Variants in VPS26C observed in about 807,000 individuals in gnomAD.
VPS26C encodes vacuolar protein sorting-associated protein 26C.
In VPS26C, 19 loss-of-function variants were observed where a neutral mutation model predicts 30.6. The ratio of observed to expected loss-of-function variants is 0.62; its 90% CI spans 0.43 to 0.91. The LOEUF (loss-of-function observed/expected upper bound fraction) is 0.91. Ranked by LOEUF, VPS26C falls within the 40% of genes least tolerant of loss-of-function variation. The pLI is 0.00. For synonymous variants in VPS26C, 132 were observed against 151.5 expected, an observed-to-expected ratio of 0.87 and a Z score of 0.95; for missense variants, 318 against 385.1, an observed-to-expected ratio of 0.83 and a Z score of 1.46.
chr21:37,232,299 C>G (rs2835681), intron 5 of VPS26C, 78 bp downstream of exon 5: 86,946 of 1,221,946 alleles, frequency 0.071, 3,983 homozygotes, highest in East Asian at 0.23. Context: ...AAATGAAGAC[C>G]ACCCGGGCAA....
At position 37,228,237 on chromosome 21, in the gene VPS26C, C is replaced by T. The variant is rs141238526; in HGVS notation, c.644G>A (p.Arg215His). 37 of 1,612,906 alleles carry T rather than the reference C, an allele frequency of 2.3e-5. No individual in the cohort carries two copies. The highest frequency in any genetic ancestry group is 8.0e-5 in the African/African-American group (6 of 75,050). ...ACGGCCCTCACCGCACGTCTCCACG[C>T]GCACCAGCTGCAGCTCCACGCTTCT... ...AIRSVELQLVRVETCGCAEGY... is the reference protein window; with the variant it reads ...AIRSVELQLVHVETCGCAEGY... The change falls in exon 6 of 8, where the codon CGC (arginine) becomes CAC (histidine). Residue 215 changes from arginine to histidine, a missense_variant. Physicochemically the swap from Arg to His is conservative, Grantham distance 29 (BLOSUM62 0). Transcript: ENST00000309117.
In VPS26C at chr21:37,238,446, T is replaced by C. The variant is rs774964036; in HGVS notation, c.351+14A>G. 9.3e-6 allele frequency: 15 copies of C among 1,612,710 alleles called. No individual in the cohort carries two copies. In the Admixed American group the frequency reaches 2.5e-4, roughly 27 times the overall value. On this transcript the variant is annotated intron_variant, in intron 3 of 7. Transcript: ENST00000309117. ...ACTTGTGAAGTCAGTCGCGTAGGAC[T>C]AGGAAGCTCTCACCTGAATGTTGAC...
At chr21:37,231,506 T>C (rs2085963525) in intron 5 of VPS26C, 1 of 152,022 alleles carries the variant, frequency 6.6e-6, no homozygotes, top group African/African-American at 2.4e-5. Flanking sequence ...TCTGAAAGGC[T>C]CCCCACGACA....
intron 3 of VPS26C, 88 bp downstream of exon 3, chr21:37,238,372 G>A: frequency 6.9e-7 from 1 of 1,455,230 alleles, no homozygotes; most frequent in Non-Finnish European, 9.3e-7. Flanking sequence ...AAATTCTTGG[G>A]CCCGTCTACT....
At chr21:37,260,768 ATCT>A (rs1437542277) in intron 1 of VPS26C, among the ~76,000 whole-genome samples, 2 of 152,226 alleles carry the variant, frequency 1.3e-5, no homozygotes, top group African/African-American at 4.8e-5. Flanking sequence ...TTGAATCATG[ATCT>A]TAAGAATGAC....
At chr21:37,256,847 C>G (rs1211764388) in intron 1 of VPS26C, among the ~76,000 whole-genome samples, 2 of 152,086 alleles carry the variant, frequency 1.3e-5, no homozygotes, top group Non-Finnish European at 2.9e-5. Context: ...TAAAGTTTTA[C>G]CATTTTATAA....
intron 2 of VPS26C, 126 bp downstream of exon 2, chr21:37,240,370 C>T: frequency 9.6e-7 from 1 of 1,040,210 alleles, no homozygotes; most frequent in Non-Finnish European, 1.4e-6. Context: ...AGCGATCCTC[C>T]CGCCTTGGCC....
intron 1 of VPS26C, among the ~76,000 whole-genome samples, chr21:37,246,316 T>C (rs2148297134): frequency 6.6e-6 from 1 of 152,114 alleles, no homozygotes; most frequent in East Asian, 1.9e-4. Flanking sequence ...GCAAGCAGAA[T>C]GATACAACAA....
In VPS26C at chr21:37,257,965, G is replaced by A. The variant is rs2086261408; in HGVS notation, c.57+9273C>T. 6.8e-6 allele frequency among the ~76,000 whole-genome samples: 1 copy of A among 146,240 alleles called. No homozygotes were observed. The highest frequency in any genetic ancestry group is 1.5e-5 in the Non-Finnish European group (1 of 68,012). On this transcript the variant is annotated intron_variant, in intron 1 of 7. Coordinates refer to ENST00000309117, the MANE Select transcript of VPS26C (RefSeq NM_006052.2). This position sits in a 1 kb window ranked among gnomAD's most constrained non-coding sequence, Gnocchi z 4.2. ...CAGCCGGCAGCGCCCACCAGCCTGC[G>A]CTGCGCTGCACATGGTACCCGCGGC...
intron 1 of VPS26C, among the ~76,000 whole-genome samples, chr21:37,250,217 A>C (rs959271898): frequency 1.3e-5 from 2 of 152,166 alleles, no homozygotes; most frequent in African/African-American, 4.8e-5. Flanking sequence ...AGGCAGGAGA[A>C]TCACTTGAAC....
rs910443254 is a variant in VPS26C at position 37,233,767 on chromosome 21, G to A, written c.352-325C>T. Among the ~76,000 whole-genome samples the A allele has an allele frequency of 2.0e-5, 3 of 152,332 alleles. No individual in the cohort carries two copies. The highest frequency in any genetic ancestry group is 4.8e-5 in the African/African-American group (2 of 41,576). On this transcript the variant is annotated intron_variant, in intron 3 of 7. Transcript: ENST00000309117. This position sits in a 1 kb window ranked among gnomAD's most constrained non-coding sequence, Gnocchi z 5.2. Reference sequence around the variant, plus strand: ...GCTGGCGAGACAGAAAGGGCAGTGCGCTCAGGAGCAGACGCCAGGCCAGAT... The same window carrying A: ...GCTGGCGAGACAGAAAGGGCAGTGCACTCAGGAGCAGACGCCAGGCCAGAT...
chr21:37,240,707 A>C, intron 1 of VPS26C, 68 bp from the exon 2 acceptor site: 1 of 1,551,572 alleles, frequency 6.4e-7, no homozygotes, highest in Non-Finnish European at 8.7e-7. Flanking sequence ...TTTATTAGCA[A>C]ACGTAGGTCT....
intron 1 of VPS26C, 41 bp from the exon 2 acceptor site, chr21:37,240,680 T>C (rs1268864073): frequency 1.2e-6 from 2 of 1,601,722 alleles, no homozygotes; most frequent in Non-Finnish European, 8.5e-7. Flanking sequence ...TTAGCATGCT[T>C]CCTCCATTCT....
intron 1 of VPS26C, among the ~76,000 whole-genome samples, chr21:37,242,433 C>G (rs113364607): frequency 0.019 from 2,917 of 151,846 alleles, 57 homozygotes; most frequent in East Asian, 0.05. Context: ...TCCTTCTCTA[C>G]AAATAAAAAA....
chr21:37,260,074 A>T (rs779985050), intron 1 of VPS26C, among the ~76,000 whole-genome samples: 1 of 152,208 alleles, frequency 6.6e-6, no homozygotes, highest in South Asian at 2.1e-4. Context: ...AGGCACAAAG[A>T]ATCCTGGATT....
At chr21:37,252,089 C>T (rs1189278156) in intron 1 of VPS26C, among the ~76,000 whole-genome samples, 3 of 152,170 alleles carry the variant, frequency 2.0e-5, no homozygotes, top group Admixed American at 6.5e-5. Context: ...TCTAAAGATC[C>T]GGTACACCTA....
At chr21:37,255,937 G>A (rs1478745255) in intron 1 of VPS26C, among the ~76,000 whole-genome samples, 1 of 139,962 alleles carries the variant, frequency 7.1e-6, no homozygotes, top group African/African-American at 2.7e-5. Flanking sequence ...CCAGGTTCAA[G>A]TGATTCTCCT....
rs1187061999 is a variant in VPS26C, at chr21:37,233,201, T to G, written c.432+161A>C. 1 of 640,538 alleles carries G rather than the reference T, an allele frequency of 1.6e-6. No individual in the cohort carries two copies. The highest frequency in any genetic ancestry group is 2.8e-6 in the Non-Finnish European group (1 of 359,594). The allele number at this position is 640,538 out of a possible 1,614,324, so 39.7% of individuals were successfully genotyped here. On this transcript the variant is annotated intron_variant, in intron 4 of 7. Coordinates refer to ENST00000309117, the MANE Select transcript of VPS26C (RefSeq NM_006052.2). The surrounding 1 kb of genome is among the most constrained non-coding windows in gnomAD (Gnocchi z 5.2). ...GCCCAGGACAATGATGCACACGTGATGCGCATGCCACCGACTGTCTCTGAC... is the reference window on the plus strand; with the variant it reads ...GCCCAGGACAATGATGCACACGTGAGGCGCATGCCACCGACTGTCTCTGAC...
intron 1 of VPS26C, among the ~76,000 whole-genome samples, chr21:37,245,313 G>C (rs2086126621): frequency 6.6e-6 from 1 of 152,134 alleles, no homozygotes; most frequent in Non-Finnish European, 1.5e-5. Flanking sequence ...AGCCTACAAA[G>C]GGGGACCCGC....
Sources: allele counts gnomAD v4.1 joint callset (sites outside exome capture counted in the v4.1 genomes callset), GRCh38; gene constraint gnomAD v4.1.1; non-coding constraint Gnocchi (gnomAD v3.1); transcripts MANE v1.5; gene names NCBI Gene and HGNC (gene_info 2026-07-23, HGNC 2026-07-21).